ARHGEF3: variants seen among roughly 807,000 people sequenced by gnomAD.
ARHGEF3 encodes the protein 59.8 kDA protein.
In ARHGEF3, 28 loss-of-function variants were observed where a neutral mutation model predicts 63.2. That is an observed-to-expected ratio of 0.44 (90% CI 0.33 to 0.61). The LOEUF is 0.61. ARHGEF3 is among the 20% of genes least tolerant of loss of function. ARHGEF3 has a pLI of 0.03. For synonymous variants in ARHGEF3, 266 were observed against 254.2 expected (o/e 1.05, Z -0.44); for missense variants, 533 against 659.3 (o/e 0.81, Z 2.10).
At chr3:57,014,148 G>A (rs922656327) in intron 2 of ARHGEF3, among the ~76,000 whole-genome samples, 2 of 152,186 alleles carry the variant, frequency 1.3e-5, no homozygotes, top group Admixed American at 6.5e-5. Context: ...TCAGCGGGAA[G>A]GTTTGCAGCT....
chr3:57,073,934 G>C, intron 1 of ARHGEF3: 1 of 1,614,202 alleles, frequency 6.2e-7, no homozygotes, highest in Non-Finnish European at 8.5e-7. Flanking sequence ...GCCAAAGTGA[G>C]ACCTGTCAGA....
intron 1 of ARHGEF3, among the ~76,000 whole-genome samples, chr3:57,069,376 A>AACACACACACACACACAC (rs147675971): frequency 7.7e-4 from 113 of 146,466 alleles, no homozygotes; most frequent in African/African-American, 2.7e-3. Flanking sequence ...CTGTCTCTCA[A>AACACACACACACACACAC]ACACACACAC....
chr3:56,864,408 T>TAGGTTAACACCTAACCTTACCTGGTTAA (rs1236421419), intron 4 of ARHGEF3, among the ~76,000 whole-genome samples: 1 of 152,216 alleles, frequency 6.6e-6, no homozygotes, highest in African/African-American at 2.4e-5. Context: ...TTACCTTCTT[T>TAGGTTAACACCTAACCTTACCTGGTTAA]CAGCTTTCAC....
At chr3:56,790,855 G>T (rs1578519877) in intron 1 of ARHGEF3, among the ~76,000 whole-genome samples, 2 of 152,048 alleles carry the variant, frequency 1.3e-5, no homozygotes, top group South Asian at 4.1e-4. Flanking sequence ...TCTTCCTCTA[G>T]GAAGACTCCA....
Position 57,063,482 on chromosome 3 carries a change from G to C in ARHGEF3, c.-28+15744C>G, listed in dbSNP as rs772211245. ...GGGAGAATGACCTGGAGGGTGGTAGGAGCGGGAGGGGAGCAGTGGCCACTC... is the reference window on the plus strand; with the variant it reads ...GGGAGAATGACCTGGAGGGTGGTAGCAGCGGGAGGGGAGCAGTGGCCACTC... On this transcript the variant is annotated intron_variant, in intron 1 of 12. Transcript: ENST00000338458. Among the ~76,000 whole-genome samples the C allele has an allele frequency of 5.4e-4, 82 of 152,262 alleles. 1 individual carries two copies. Among genetic ancestry groups the C allele is most frequent in the South Asian group, 4.1e-4 (2 of 4,820 alleles).
chr3:56,897,909 G>A (rs1057332222), intron 3 of ARHGEF3, among the ~76,000 whole-genome samples: 2 of 151,510 alleles, frequency 1.3e-5, no homozygotes, highest in East Asian at 1.9e-4. Flanking sequence ...AGACAGGGTC[G>A]CAGTTCTGTT....
chr3:57,077,487 T>A (rs1162417224), intron 1 of ARHGEF3, among the ~76,000 whole-genome samples: 1 of 152,140 alleles, frequency 6.6e-6, no homozygotes, highest in Non-Finnish European at 1.5e-5. Flanking sequence ...AGAGCTCTTA[T>A]CTGTGGAGAT....
At chr3:56,850,365 C>G (rs112476557) in intron 4 of ARHGEF3, among the ~76,000 whole-genome samples, 55,278 of 152,072 alleles carry the variant, frequency 0.36, 11,775 homozygotes, top group Non-Finnish European at 0.47. Context: ...CTTGTCTCTA[C>G]TAAAAATACA....
chr3:57,067,850 C>T (rs945810574), intron 1 of ARHGEF3, among the ~76,000 whole-genome samples: 1 of 151,346 alleles, frequency 6.6e-6, no homozygotes, highest in Non-Finnish European at 1.5e-5. Context: ...ATTAGCCAGG[C>T]AAAGTGGCGG....
chr3:56,904,133 T>G (rs946123115), intron 3 of ARHGEF3, among the ~76,000 whole-genome samples: 7 of 152,068 alleles, frequency 4.6e-5, no homozygotes, highest in African/African-American at 1.7e-4. Context: ...CAGCTTAAGC[T>G]ATCCTCCCAC....
intron 1 of ARHGEF3, among the ~76,000 whole-genome samples, chr3:56,787,718 G>GATGATAATAATAATA (rs1553754560): frequency 6.6e-6 from 1 of 150,796 alleles, no homozygotes; most frequent in Admixed American, 6.6e-5. Context: ...AACTTCCTCT[G>GATGATAATAATAATA]ATAATAATAA....
At chr3:57,001,915 G>GTTTTTTTTTTTTTT (rs1410825594) in intron 2 of ARHGEF3, among the ~76,000 whole-genome samples, 2 of 53,718 alleles carry the variant, frequency 3.7e-5, no homozygotes, top group African/African-American at 7.3e-5. Context: ...AAGTGAGATA[G>GTTTTTTTTTTTTTT]TTTTTTTTTT....
intron 3 of ARHGEF3, among the ~76,000 whole-genome samples, chr3:56,887,379 AC>A (rs2040958999): frequency 6.6e-6 from 1 of 152,128 alleles, no homozygotes; most frequent in African/African-American, 2.4e-5. Flanking sequence ...ACAGTATTAT[AC>A]CTGGGATCTT....
chr3:56,882,371 A>G, intron 3 of ARHGEF3: 2 of 1,551,544 alleles, frequency 1.3e-6, no homozygotes, highest in Non-Finnish European at 1.7e-6. Context: ...AACAAACGAA[A>G]AAACAAAGTT....
At chr3:56,930,047 C>T (rs923966852) in intron 3 of ARHGEF3, among the ~76,000 whole-genome samples, 7 of 84,520 alleles carry the variant, frequency 8.3e-5, no homozygotes, top group Non-Finnish European at 2.0e-4. Flanking sequence ...AACTACCAGC[C>T]CCCCCCTCCC....
intron 1 of ARHGEF3, chr3:56,775,227 A>G (rs2036228978): frequency 7.3e-7 from 1 of 1,369,806 alleles, no homozygotes; most frequent in South Asian, 1.8e-5. Flanking sequence ...CCCCGTTCTG[A>G]ACATAGTAGG....
At chr3:56,954,027 A>G (rs7653154) in intron 3 of ARHGEF3, among the ~76,000 whole-genome samples, 116,817 of 152,074 alleles carry the variant, frequency 0.77, 45,964 homozygotes, top group Middle Eastern at 0.85. Context: ...TTAAAAGGTC[A>G]GGGCTACAAT....
chr3:56,934,898 G>A (rs78933819), intron 3 of ARHGEF3, among the ~76,000 whole-genome samples: 17,417 of 152,280 alleles, frequency 0.11, 1,280 homozygotes, highest in East Asian at 0.25. Context: ...GCCCCGCTGC[G>A]GGATCCACTA....
chr3:57,037,424 T>C (rs1436591917), intron 1 of ARHGEF3, among the ~76,000 whole-genome samples: 1 of 152,204 alleles, frequency 6.6e-6, no homozygotes, highest in Non-Finnish European at 1.5e-5. Flanking sequence ...TCCAAAATGA[T>C]GCCAACCACA....
Sources: allele counts gnomAD v4.1 joint callset (sites outside exome capture counted in the v4.1 genomes callset), GRCh38; gene constraint gnomAD v4.1.1; transcripts MANE v1.5; gene names NCBI Gene and HGNC (gene_info 2026-07-23, HGNC 2026-07-21).